Variants in DOCK3 observed in about 807,000 individuals in gnomAD.
DOCK3 encodes dedicator of cytokinesis 3, also known as dedicator of cytokinesis protein 3.
In DOCK3, 60 loss-of-function variants were observed where a neutral mutation model predicts 265.6. That is an observed-to-expected ratio of 0.23 (90% confidence interval 0.18 to 0.28). DOCK3 has a LOEUF of 0.28. DOCK3 is among the 10% of genes least tolerant of loss of function. The probability of loss-of-function intolerance (pLI) is 1.00; values close to 1 mark genes in which losing one functional copy is unlikely to be tolerated. For synonymous variants in DOCK3, 881 were observed against 938.0 expected (o/e 0.94, Z 1.11); for missense variants, 1,981 against 2,594.3 (o/e 0.76, Z 5.14).
intron 5 of DOCK3, among the ~76,000 whole-genome samples, chr3:51,029,970 G>T (rs940522072): frequency 6.6e-6 from 1 of 152,032 alleles, no homozygotes; most frequent in Non-Finnish European, 1.5e-5. Context: ...TGGGACACGG[G>T]GTCGGGGGGT....
chr3:51,236,618 C>T (rs1434660968), intron 20 of DOCK3, among the ~76,000 whole-genome samples, 190 bp downstream of exon 20: 4 of 152,184 alleles, frequency 2.6e-5, no homozygotes, highest in Admixed American at 2.6e-4. Flanking sequence ...AAGAATCCAA[C>T]ACAATCAAGT....
intron 12 of DOCK3, among the ~76,000 whole-genome samples, chr3:51,174,108 A>G (rs1227822217): frequency 4.6e-5 from 7 of 152,000 alleles, no homozygotes; most frequent in Non-Finnish European, 5.9e-5. Context: ...CTATCATTGT[A>G]TTTGTCAGTT....
At chr3:50,926,031 C>G (rs1039798686) in intron 4 of DOCK3, among the ~76,000 whole-genome samples, 1 of 151,836 alleles carries the variant, frequency 6.6e-6, no homozygotes, top group Non-Finnish European at 1.5e-5. Flanking sequence ...TAGGGTTTTA[C>G]CATGTCGGCC....
rs918475844 is a variant in DOCK3, at chr3:50,974,522, A to G, written c.315+40445A>G. Among the ~76,000 whole-genome samples the G allele has an allele frequency of 3.9e-5, 6 of 151,968 alleles. No individual in the cohort carries two copies. The East Asian group carries it at 1.2e-3, about 29-fold the overall frequency. On this transcript the variant is annotated intron_variant, in intron 5 of 52. Transcript: ENST00000266037. The stretch of plus-strand genomic sequence containing the variant: ...ATATCTCTGTTTTGGTACCAGTAGC[A>G]TGCTGTTTTGGTTACTGTAGCCTTG...
At chr3:50,783,039 G>A (rs1391238373) in intron 2 of DOCK3, among the ~76,000 whole-genome samples, 1 of 147,976 alleles carries the variant, frequency 6.8e-6, no homozygotes, top group African/African-American at 2.5e-5. Flanking sequence ...GTGTGTGTGT[G>A]TCTGTACCAC....
At chr3:50,899,073 G>A (rs765059886) in intron 4 of DOCK3, among the ~76,000 whole-genome samples, 4 of 152,116 alleles carry the variant, frequency 2.6e-5, no homozygotes, top group Non-Finnish European at 5.9e-5. Context: ...TATTGGCAGT[G>A]GGGTGTTAAA....
rs1225247191 is a variant in DOCK3 at position 50,803,748 on chromosome 3, GC to G, written c.121+24996del. On this transcript the variant is annotated intron_variant, in intron 2 of 52. Coordinates refer to ENST00000266037, the MANE Select transcript of DOCK3 (RefSeq NM_004947.5). ...TGGGGCGGCTGGCCGGGCGGGGGCTGCCCCCCACCTCCCTCCTGGACAGGGC... is the reference window on the plus strand; with the variant it reads ...TGGGGCGGCTGGCCGGGCGGGGGCTGCCCCCACCTCCCTCCTGGACAGGGC... Among the ~76,000 whole-genome samples the G allele has an allele frequency of 5.3e-5, 8 of 150,916 alleles. No homozygotes were observed. In the East Asian group the frequency reaches 1.4e-3, roughly 26 times the overall value.
Position 51,330,152 on chromosome 3 carries a change from G to A in DOCK3, c.3417G>A (p.Leu1139=). 1.2e-6 allele frequency: 2 copies of A among 1,604,734 alleles called. No individual in the cohort carries two copies. The highest frequency in any genetic ancestry group is 1.7e-6 in the Non-Finnish European group (2 of 1,175,846). The stretch of plus-strand genomic sequence containing the variant: ...CTTCCTTCTAGGTGGAGGCCGAGTT[G>A]ATTGACAAGCTGGACAGCATGGTGT... ...NGNFKQVEAE[L]IDKLDSMVSE... Residue 1139 remains leucine, a synonymous_variant, in exon 33 of 53, where the codon TTG becomes TTA. Transcript: ENST00000266037.
Position 51,049,792 on chromosome 3 carries a change from T to TA in DOCK3, c.316-14656_316-14655insA, listed in dbSNP as rs1189555769. On this transcript the variant is annotated intron_variant, in intron 5 of 52. Coordinates refer to ENST00000266037, the MANE Select transcript of DOCK3 (RefSeq NM_004947.5). ...CTTATGTGTAGAAAGCCCTAATGGG[T>TA]CCACACACACACACACACACACACA... Among the ~76,000 whole-genome samples, 983 of 111,062 alleles carry TA rather than the reference T, an allele frequency of 8.9e-3. 6 individuals carry two copies. The highest frequency in any genetic ancestry group is 0.027 in the African/African-American group (889 of 33,198). 72.9% of individuals were successfully genotyped at this position (111,062 alleles called of 152,430 possible).
chr3:50,976,431 GT>G (rs1186986758), intron 5 of DOCK3, among the ~76,000 whole-genome samples: 1 of 119,152 alleles, frequency 8.4e-6, no homozygotes, highest in Non-Finnish European at 1.7e-5. Flanking sequence ...AGGTTGTTCA[GT>G]TTCCATGTAG....
chr3:51,167,241 C>T (rs2086452674), intron 12 of DOCK3, among the ~76,000 whole-genome samples: 1 of 151,998 alleles, frequency 6.6e-6, no homozygotes, highest in East Asian at 1.9e-4. Flanking sequence ...TTCTTGGTAC[C>T]CTTGTCAAAG....
At position 50,761,110 on chromosome 3, in the gene DOCK3, A is replaced by G. The variant is rs547052764; in HGVS notation, c.38-17565A>G. On this transcript the variant is annotated intron_variant, in intron 1 of 52. Coordinates refer to ENST00000266037, the MANE Select transcript of DOCK3 (RefSeq NM_004947.5). ...CTTTATTAAAAAAAAAATACACATA[A>G]GATCCTGTCTTCTTTATTTTTTTAT... 5.3e-5 allele frequency among the ~76,000 whole-genome samples: 8 copies of G among 152,172 alleles called. No individual in the cohort carries two copies. In the East Asian group the frequency reaches 1.5e-3, roughly 29 times the overall value.
chr3:51,130,718 T>A lies in DOCK3; in HGVS notation c.747-15831T>A, dbSNP rs568727066. Among the ~76,000 whole-genome samples, 8 of 152,298 alleles carry A rather than the reference T, an allele frequency of 5.3e-5. No homozygotes were observed. The East Asian group carries it at 1.5e-3, about 29-fold the overall frequency. On this transcript the variant is annotated intron_variant, in intron 9 of 52. Coordinates refer to ENST00000266037, the MANE Select transcript of DOCK3 (RefSeq NM_004947.5). ...GGTTTTTTGTATGTATGTTTGTTTG[T>A]TTGTTTTGAGACAGAGTCCCTCTCT...
chr3:50,831,482 G>A (rs2045169392), intron 2 of DOCK3, among the ~76,000 whole-genome samples: 4 of 151,954 alleles, frequency 2.6e-5, no homozygotes, highest in South Asian at 4.1e-4. Context: ...TGTGGTGTTT[G>A]GTTTTTCTGT....
intron 6 of DOCK3, among the ~76,000 whole-genome samples, chr3:51,066,527 GC>G (rs2081597413): frequency 6.6e-6 from 1 of 152,104 alleles, no homozygotes; most frequent in South Asian, 2.1e-4. Flanking sequence ...GAAATGATTT[GC>G]CAGCCAGAGT....
chr3:51,185,263 T>A (rs1281616880), intron 12 of DOCK3, among the ~76,000 whole-genome samples: 1 of 152,154 alleles, frequency 6.6e-6, no homozygotes, highest in African/African-American at 2.4e-5. Context: ...TAAAATAAAG[T>A]GTTAATAATA....
intron 1 of DOCK3, among the ~76,000 whole-genome samples, chr3:50,738,816 T>TA (rs1258357220): frequency 6.6e-6 from 1 of 152,214 alleles, no homozygotes; most frequent in Non-Finnish European, 1.5e-5. Context: ...CTACTGTACC[T>TA]AATGAGCCCT....
intron 5 of DOCK3, among the ~76,000 whole-genome samples, chr3:51,041,956 A>G (rs2080550500): frequency 6.6e-6 from 1 of 152,190 alleles, no homozygotes; most frequent in Non-Finnish European, 1.5e-5. Context: ...ACTTCTCCCT[A>G]GCCATGAAAG....
intron 4 of DOCK3, among the ~76,000 whole-genome samples, chr3:50,907,389 A>C (rs953058157): frequency 7.2e-5 from 11 of 152,058 alleles, no homozygotes; most frequent in Non-Finnish European, 1.5e-4. Context: ...TTGGAGTCTA[A>C]GTCTCTTTGT....
Sources: gnomAD v4.1 joint callset for allele counts (sites outside exome capture counted in the v4.1 genomes callset) on GRCh38, gnomAD v4.1.1 for gene constraint, MANE v1.5 for transcripts, NCBI Gene and HGNC (gene_info 2026-07-23, HGNC 2026-07-21) for gene names.